SOX13: variants seen among roughly 807,000 people sequenced by gnomAD.
SOX13 encodes transcription factor SOX-13.
In SOX13, 28 loss-of-function variants were observed where a neutral mutation model predicts 71.8. The ratio of observed to expected loss-of-function variants is 0.39; its 90% CI spans 0.29 to 0.53. The LOEUF is 0.53. Ranked by LOEUF, SOX13 falls within the 20% of genes least tolerant of loss-of-function variation. The probability of loss-of-function intolerance (pLI) is 0.70; values close to 1 mark genes in which losing one functional copy is unlikely to be tolerated. For synonymous variants in SOX13, 309 were observed against 317.8 expected (o/e 0.97, Z 0.29); for missense variants, 627 against 810.3 (o/e 0.77, Z 2.75).
intron 1 of SOX13, among the ~76,000 whole-genome samples, chr1:204,087,076 AC>A (rs1656038176): frequency 6.6e-6 from 1 of 151,970 alleles, no homozygotes; most frequent in Non-Finnish European, 1.5e-5. Context: ...GGCACCCACC[AC>A]CAGGCCCGGC....
At chr1:204,109,440 C>G (rs989335195) in intron 1 of SOX13, among the ~76,000 whole-genome samples, 4 of 152,212 alleles carry the variant, frequency 2.6e-5, no homozygotes, top group Non-Finnish European at 4.4e-5. Context: ...TTTGGATACA[C>G]AAATACTTAA....
At chr1:204,114,638 G>T (rs758935398) in intron 4 of SOX13, 33 bp downstream of exon 4, 10 of 1,498,640 alleles carry the variant, frequency 6.7e-6, no homozygotes, top group Middle Eastern at 1.8e-4. Context: ...GGAGATGTTT[G>T]AACCCCATCT....
chr1:204,126,517 CACTGT>C lies in SOX13; in HGVS notation c.*384_*388del. Reference sequence around the variant, plus strand: ...CCATTCTTGTCCTGGCTGGACCAGCCACTGTGGGACCAACACCCCTCCCACACTCC... The same window carrying C: ...CCATTCTTGTCCTGGCTGGACCAGCCGGGACCAACACCCCTCCCACACTCC... On this transcript the variant is annotated 3_prime_UTR_variant, in exon 14 of 14. Coordinates refer to ENST00000367204, the MANE Select transcript of SOX13 (RefSeq NM_005686.3). The C allele has an allele frequency of 3.9e-6, 1 of 255,238 alleles. No homozygotes were observed. The highest frequency in any genetic ancestry group is 7.6e-6 in the Non-Finnish European group (1 of 130,880). 15.8% of individuals were successfully genotyped at this position (255,238 alleles called of 1,614,324 possible). A position where few individuals can be genotyped will look rare whatever the true frequency, so the allele number is the denominator to read the frequency against.
chr1:204,080,358 A>G (rs1393780539), intron 1 of SOX13, among the ~76,000 whole-genome samples: 3 of 152,138 alleles, frequency 2.0e-5, no homozygotes, highest in South Asian at 2.1e-4. Flanking sequence ...GACATGTCCA[A>G]GCTAGGGTGT....
intron 1 of SOX13, among the ~76,000 whole-genome samples, chr1:204,099,487 A>G (rs891756801): frequency 2.9e-5 from 4 of 136,180 alleles, no homozygotes; most frequent in Admixed American, 8.4e-5. Context: ...GTGCAGTGGC[A>G]TGATCATGGC....
chr1:204,112,962 T>C lies in SOX13; in HGVS notation c.47T>C (p.Val16Ala). 1 of 1,613,692 alleles carries C rather than the reference T, an allele frequency of 6.2e-7. No individual in the cohort carries two copies. Among genetic ancestry groups the C allele is most frequent in the Non-Finnish European group, 8.5e-7 (1 of 1,179,858 alleles). The change falls in exon 2 of 14, where the codon GTT (valine) becomes GCT (alanine). Residue 16 changes from valine (V) to alanine (A), a missense_variant. Coordinates refer to ENST00000367204, the MANE Select transcript of SOX13 (RefSeq NM_005686.3). ...TCTGCCCAGCTGGCCCTGGATGGCG[T>C]TGGCACCATGGTGAACTGCACCATC... ...PISAQLALDG[V>A]GTMVNCTIKS...
At chr1:204,079,438 T>A (rs973788239) in intron 1 of SOX13, among the ~76,000 whole-genome samples, 1 of 148,372 alleles carries the variant, frequency 6.7e-6, no homozygotes, top group Non-Finnish European at 1.5e-5. Context: ...CTCCGCCTTC[T>A]GGATTCAAAC....
At chr1:204,085,782 G>A (rs1656004358) in intron 1 of SOX13, among the ~76,000 whole-genome samples, 1 of 151,720 alleles carries the variant, frequency 6.6e-6, no homozygotes. Context: ...AGACCATCCT[G>A]GCTAACACGG....
At chr1:204,105,701 C>G (rs1285531464) in intron 1 of SOX13, among the ~76,000 whole-genome samples, 3 of 152,190 alleles carry the variant, frequency 2.0e-5, no homozygotes, top group African/African-American at 7.2e-5. Context: ...TCCGGCCATT[C>G]TATACAGTCT....
At chr1:204,117,504 C>A in intron 6 of SOX13, 89 bp from the exon 7 acceptor site, 1 of 818,536 alleles carries the variant, frequency 1.2e-6, no homozygotes, top group Non-Finnish European at 2.0e-6. Context: ...GCCTCTTGTC[C>A]ATGGGTCCAT....
chr1:204,124,941 T>TGCCTTTGTGTGTGACCC lies in SOX13; in HGVS notation c.1592+85_1592+101dup, dbSNP rs1656890438. On this transcript the variant is annotated intron_variant, in intron 13 of 13. Transcript: ENST00000367204. ...AGTGGCTGGGTGTCAGTGTGTGGCC[T>TGCCTTTGTGTGTGACCC]GCCTTTGTGTGTGACCCCAGGGGTG... The TGCCTTTGTGTGTGACCC allele has an allele frequency of 2.3e-5, 23 of 989,796 alleles. No homozygotes were observed. In the South Asian group the frequency reaches 3.3e-4, roughly 14 times the overall value. The allele number at this position is 989,796 out of a possible 1,614,324, so 61.3% of individuals were successfully genotyped here. A position where few individuals can be genotyped will look rare whatever the true frequency, so the allele number is the denominator to read the frequency against.
intron 1 of SOX13, among the ~76,000 whole-genome samples, chr1:204,109,483 A>T (rs947824900): frequency 1.3e-5 from 2 of 152,350 alleles, no homozygotes; most frequent in Middle Eastern, 3.4e-3. Context: ...GGTATTCAGT[A>T]CAATAACATG....
At chr1:204,110,284 T>C (rs986348124) in intron 1 of SOX13, among the ~76,000 whole-genome samples, 6 of 148,160 alleles carry the variant, frequency 4.0e-5, no homozygotes, top group Non-Finnish European at 6.0e-5. Flanking sequence ...CATGCCACCA[T>C]GCCCAGCTAA....
chr1:204,086,293 C>A (rs139177647), intron 1 of SOX13, among the ~76,000 whole-genome samples: 4,022 of 152,246 alleles, frequency 0.026, 61 homozygotes, highest in Middle Eastern at 0.041. Flanking sequence ...GAGTAGCCTT[C>A]AACTTTTTAA....
chr1:204,112,518 C>CAA (rs1438944185), intron 1 of SOX13, among the ~76,000 whole-genome samples: 1 of 120,394 alleles, frequency 8.3e-6, no homozygotes, highest in Admixed American at 9.6e-5. Context: ...CACACACACA[C>CAA]ACACACACAC....
intron 9 of SOX13, chr1:204,122,613 T>G: frequency 1.7e-6 from 1 of 601,166 alleles, no homozygotes. Flanking sequence ...CAGAGTCACA[T>G]AGTTCCAGGG....
Position 204,124,630 on chromosome 1 carries a change from G to T in SOX13, c.1376-11G>T. On this transcript the variant is annotated splice_polypyrimidine_tract_variant and intron_variant, in intron 12 of 13. Transcript: ENST00000367204. Reference sequence around the variant, plus strand: ...CAGCACTGACTGCCTGCCCCTGGGGGGTTGGGTCAGGATCTCGCTGGAAGT... The same window carrying T: ...CAGCACTGACTGCCTGCCCCTGGGGTGTTGGGTCAGGATCTCGCTGGAAGT... The T allele has an allele frequency of 6.2e-7, 1 of 1,601,494 alleles. No individual in the cohort carries two copies. The highest frequency in any genetic ancestry group is 8.5e-7 in the Non-Finnish European group (1 of 1,174,386).
In SOX13 at chr1:204,123,849, C is replaced by G; in HGVS notation, c.1375+45C>G. On this transcript the variant is annotated intron_variant, in intron 12 of 13. Coordinates refer to ENST00000367204, the MANE Select transcript of SOX13 (RefSeq NM_005686.3). This position sits in a 1 kb window ranked among gnomAD's most constrained non-coding sequence, Gnocchi z 5.0. ...GCCATGGTTCAGTGTGACCTGGTTG[C>G]AGGAGCCAGCTGGGTCTATTCAGGG... 3 of 1,606,232 alleles carry G rather than the reference C, an allele frequency of 1.9e-6. No individual in the cohort carries two copies. In the African/African-American group the frequency reaches 4.0e-5, roughly 21 times the overall value.
chr1:204,075,070 G>GTTCA (rs1655756926), intron 1 of SOX13, among the ~76,000 whole-genome samples: 2 of 152,226 alleles, frequency 1.3e-5, no homozygotes, highest in Non-Finnish European at 2.9e-5. Context: ...ACCTCCCGGA[G>GTTCA]TTCATGCCTT....
Sources: allele counts gnomAD v4.1 joint callset (sites outside exome capture counted in the v4.1 genomes callset), GRCh38; gene constraint gnomAD v4.1.1; non-coding constraint Gnocchi (gnomAD v3.1); transcripts MANE v1.5; gene names NCBI Gene and HGNC (gene_info 2026-07-23, HGNC 2026-07-21).